The following BCL7B variants were observed in gnomAD, a reference collection of about 807,000 sequenced individuals.
The protein encoded by BCL7B is BAF chromatin remodeling complex subunit BCL7B, also known as B-cell CLL/lymphoma 7 protein family member B.
A neutral mutation model predicts 26.5 loss-of-function variants in BCL7B; 11 were observed. The observed-to-expected ratio is 0.42, with a 90% CI of 0.26 to 0.69. BCL7B has a LOEUF of 0.69. BCL7B is among the 30% of genes least tolerant of loss of function. The pLI is 0.28. For synonymous variants in BCL7B, 111 were observed against 107.9 expected (o/e 1.03, Z -0.18); for missense variants, 215 against 264.4 (o/e 0.81, Z 1.30).
At chr7:73,542,435 G>A (rs1314883374) in intron 3 of BCL7B, among the ~76,000 whole-genome samples, 1 of 152,166 alleles carries the variant, frequency 6.6e-6, no homozygotes, top group Non-Finnish European at 1.5e-5. Flanking sequence ...TGCTAGTCTT[G>A]ACTCCTATAA....
In BCL7B at chr7:73,537,938, G is replaced by A. The variant is rs112679721; in HGVS notation, c.512C>T (p.Thr171Ile). 259 of 1,589,864 alleles carry A rather than the reference G, an allele frequency of 1.6e-4. No homozygotes were observed. The highest frequency in any genetic ancestry group is 2.1e-4 in the Non-Finnish European group (243 of 1,170,350). ...AAACTCAAAGTGATTGCTTACCTGTGTCTCTAGTGGAACTGGTTCTTCCTT... is the reference window on the plus strand; with the variant it reads ...AAACTCAAAGTGATTGCTTACCTGTATCTCTAGTGGAACTGGTTCTTCCTT... ...LTKEEPVPLE[T>I]QVVEEEEDSG... is the part of the protein sequence containing the mutation. Residue 171 changes from threonine to isoleucine, a missense_variant, in exon 5 of 6, where the codon ACA becomes ATA. Physicochemically the swap from Thr to Ile is moderately conservative, Grantham distance 89. Coordinates refer to ENST00000223368, the MANE Select transcript of BCL7B (RefSeq NM_001707.4).
Position 73,541,002 on chromosome 7 carries a change from C to A in BCL7B, c.266-950G>T, listed in dbSNP as rs138874723. The stretch of plus-strand genomic sequence containing the variant: ...TCTCTACTGAAAATACAAAAATTAG[C>A]CGGGCATGATAGCACGCGCCTGTAA... On this transcript the variant is annotated intron_variant, in intron 3 of 5. Transcript: ENST00000223368. Among the ~76,000 whole-genome samples the A allele has an allele frequency of 1.4e-3, 220 of 151,984 alleles. 5 individuals carry two copies. In the East Asian group the frequency reaches 0.04, roughly 28 times the overall value.
At chr7:73,541,868 C>T (rs1027370459) in intron 3 of BCL7B, among the ~76,000 whole-genome samples, 1 of 152,198 alleles carries the variant, frequency 6.6e-6, no homozygotes, top group South Asian at 2.1e-4. Context: ...CTACAAGCAT[C>T]CTCAGCTCCA....
At chr7:73,537,551 C>T (rs118076580) in intron 5 of BCL7B, among the ~76,000 whole-genome samples, 161 bp from the exon 6 acceptor site, 1,629 of 152,260 alleles carry the variant, frequency 0.011, 16 homozygotes, top group Non-Finnish European at 0.018. Context: ...CGCTGCAGAT[C>T]CAACCCCACA....
intron 3 of BCL7B, chr7:73,542,845 C>A (rs1554583019): frequency 2.2e-6 from 1 of 449,416 alleles, no homozygotes; most frequent in African/African-American, 2.0e-5. Flanking sequence ...GAGGTCAAGG[C>A]TGGGGGACTG....
At chr7:73,537,451 C>T in intron 5 of BCL7B, 61 bp from the exon 6 acceptor site, 13 of 1,293,118 alleles carry the variant, frequency 1.0e-5, no homozygotes, top group Non-Finnish European at 1.3e-5. Context: ...CCTTCCCACC[C>T]ACCCGAATTA....
chr7:73,555,877 G>C (rs1554584656), intron 1 of BCL7B, among the ~76,000 whole-genome samples: 1 of 152,074 alleles, frequency 6.6e-6, no homozygotes, highest in Non-Finnish European at 1.5e-5. Context: ...TTCCAAATAA[G>C]GCTGTGCACT....
intron 1 of BCL7B, 121 bp from the exon 2 acceptor site, chr7:73,552,363 C>A: frequency 1.2e-6 from 1 of 805,954 alleles, no homozygotes; most frequent in Non-Finnish European, 2.1e-6. Context: ...TGAACTTCCT[C>A]TTGGTGGGGT....
chr7:73,546,131 CAAAAAAA>C (rs1327019672), intron 2 of BCL7B, among the ~76,000 whole-genome samples: 1 of 73,922 alleles, frequency 1.4e-5, no homozygotes, highest in Non-Finnish European at 2.6e-5. Flanking sequence ...GACTCCATCT[CAAAAAAA>C]AAAAAAAAAA....
At chr7:73,537,733 CAA>C (rs1791594945) in intron 5 of BCL7B, among the ~76,000 whole-genome samples, 199 bp downstream of exon 5, 1 of 151,958 alleles carries the variant, frequency 6.6e-6, no homozygotes, top group African/African-American at 2.4e-5. Flanking sequence ...ACTAAAAATA[CAA>C]AAATTAGCCA....
At position 73,557,546 on chromosome 7, in the gene BCL7B, G is replaced by A. The variant is rs146257652; in HGVS notation, c.33C>T (p.Arg11=). The A allele has an allele frequency of 7.0e-7, 1 of 1,432,098 alleles. No homozygotes were observed. Among genetic ancestry groups the A allele is most frequent in the Non-Finnish European group, 9.2e-7 (1 of 1,081,706 alleles). 88.7% of individuals were successfully genotyped at this position (1,432,098 alleles called of 1,614,324 possible). A position where few individuals can be genotyped will look rare whatever the true frequency, so the allele number is the denominator to read the frequency against. MSGRSVRAET[R]SRAKDDIKKV... is the part of the protein sequence containing the mutation. ...TCTTGATGTCGTCCTTGGCCCGGCT[G>A]CGGGTCTCCGCCCGGACCGACCGGC... Residue 11 remains arginine, a synonymous_variant, in exon 1 of 6, where the codon CGC becomes CGT. Transcript: ENST00000223368.
intron 2 of BCL7B, among the ~76,000 whole-genome samples, chr7:73,548,352 C>T (rs1042087570): frequency 4.6e-5 from 7 of 151,942 alleles, no homozygotes; most frequent in Non-Finnish European, 2.9e-5. Context: ...TGCTTGAACC[C>T]GGGAGGCAGA....
intron 1 of BCL7B, among the ~76,000 whole-genome samples, chr7:73,556,297 G>A (rs1445974788): frequency 6.6e-6 from 1 of 152,152 alleles, no homozygotes; most frequent in Non-Finnish European, 1.5e-5. Context: ...GTAAAGGGAT[G>A]GGAGGAGTTA....
At position 73,557,506 on chromosome 7, in the gene BCL7B, T is replaced by C; in HGVS notation, c.73A>G (p.Ile25Val). The change falls in exon 1 of 6, where the codon ATC (isoleucine) becomes GTC (valine). Residue 25 changes from isoleucine to valine, a missense_variant. Transcript: ENST00000223368. ...CCTCACCATTTCCGCACTTTCTCGA[T>C]GGCCGCCATCACCTTCTTGATGTCG... ...KDDIKKVMAA[I>V]EKVRKWEKKW... is the part of the protein sequence containing the mutation. 6.9e-7 allele frequency: 1 copy of C among 1,445,968 alleles called. No individual in the cohort carries two copies. Among genetic ancestry groups the C allele is most frequent in the Non-Finnish European group, 9.2e-7 (1 of 1,088,622 alleles). The allele number at this position is 1,445,968 out of a possible 1,614,324, so 89.6% of individuals were successfully genotyped here. A position where few individuals can be genotyped will look rare whatever the true frequency, so the allele number is the denominator to read the frequency against.
Position 73,543,598 on chromosome 7 carries a change from C to G in BCL7B, c.215G>C (p.Gly72Ala). 2 of 1,613,842 alleles carry G rather than the reference C, an allele frequency of 1.2e-6. No homozygotes were observed. Among genetic ancestry groups the G allele is most frequent in the Non-Finnish European group, 1.7e-6 (2 of 1,179,942 alleles). The change falls in exon 3 of 6, where the codon GGC becomes GCC. Residue 72 changes from glycine to alanine, a missense_variant. Coordinates refer to ENST00000223368, the MANE Select transcript of BCL7B (RefSeq NM_001707.4). ...SNSSAAREPNGFPSDASANSS... is the reference protein window; with the variant it reads ...SNSSAAREPNAFPSDASANSS... ...ATTGGCTGAGGCATCAGAAGGAAAG[C>G]CATTAGGTTCTCGGGCTGCTGAACT... is the stretch of plus-strand genomic sequence containing the variant.
At chr7:73,551,208 C>T (rs1353898583) in intron 2 of BCL7B, among the ~76,000 whole-genome samples, 1 of 152,194 alleles carries the variant, frequency 6.6e-6, no homozygotes, top group Non-Finnish European at 1.5e-5. Flanking sequence ...GCCATTTGGC[C>T]TTATGGCAAC....
intron 1 of BCL7B, among the ~76,000 whole-genome samples, chr7:73,556,337 TACTTGA>T (rs1246775126): frequency 5.3e-5 from 8 of 152,084 alleles, no homozygotes; most frequent in African/African-American, 1.7e-4. Flanking sequence ...AGGTAACATC[TACTTGA>T]ACTTTTATTT....
At chr7:73,554,856 G>A (rs888457732) in intron 1 of BCL7B, among the ~76,000 whole-genome samples, 1 of 149,346 alleles carries the variant, frequency 6.7e-6, no homozygotes, top group Non-Finnish European at 1.5e-5. Flanking sequence ...TGATGTAACA[G>A]AAGGAGCGAA....
intron 2 of BCL7B, among the ~76,000 whole-genome samples, chr7:73,546,742 AAATT>A (rs1791970749): frequency 1.3e-5 from 2 of 152,382 alleles, no homozygotes; most frequent in South Asian, 4.1e-4. Flanking sequence ...GCTCAAATAA[AAATT>A]AAGTGAATGA....
Sources: gnomAD v4.1 joint callset for allele counts (sites outside exome capture counted in the v4.1 genomes callset) on GRCh38, gnomAD v4.1.1 for gene constraint, MANE v1.5 for transcripts, NCBI Gene and HGNC (gene_info 2026-07-23, HGNC 2026-07-21) for gene names.